CLINT1: variants seen among roughly 807,000 people sequenced by gnomAD.
CLINT1 encodes the protein clathrin interacting protein localized in the trans-Golgi region.
In CLINT1, 15 loss-of-function variants were observed where a neutral mutation model predicts 70.4. That is an observed-to-expected ratio of 0.21 (90% confidence interval 0.14 to 0.33). The LOEUF (loss-of-function observed/expected upper bound fraction) is 0.33. CLINT1 is among the 10% of genes least tolerant of loss of function. The pLI, the probability that CLINT1 is intolerant of heterozygous loss-of-function variation, is 1.00. For synonymous variants in CLINT1, 227 were observed against 254.7 expected (o/e 0.89, Z 1.04); for missense variants, 615 against 778.1 (o/e 0.79, Z 2.49).
chr5:157,848,952 G>A (rs1753479211), intron 1 of CLINT1, among the ~76,000 whole-genome samples: 1 of 152,004 alleles, frequency 6.6e-6, no homozygotes, highest in Non-Finnish European at 1.5e-5. Flanking sequence ...GTAAGCTATT[G>A]TGCCTGGCCG....
chr5:157,839,432 C>T (rs754571549), intron 1 of CLINT1, among the ~76,000 whole-genome samples: 6 of 151,970 alleles, frequency 3.9e-5, no homozygotes, highest in Non-Finnish European at 5.9e-5. Flanking sequence ...GAAACCGCAT[C>T]TCTACTAAAA....
At chr5:157,821,999 T>C (rs115734055) in intron 1 of CLINT1, among the ~76,000 whole-genome samples, 134 of 152,338 alleles carry the variant, frequency 8.8e-4, no homozygotes, top group African/African-American at 3.1e-3. Context: ...ACTAGATCTT[T>C]AGTGCCAACT....
intron 1 of CLINT1, among the ~76,000 whole-genome samples, chr5:157,841,511 G>A (rs1753178713): frequency 6.6e-6 from 1 of 151,538 alleles, no homozygotes; most frequent in Non-Finnish European, 1.5e-5. Context: ...AGGTTGCAGT[G>A]AGCCAAGATG....
At chr5:157,798,262 A>G (rs1712696119) in intron 8 of CLINT1, among the ~76,000 whole-genome samples, 1 of 152,220 alleles carries the variant, frequency 6.6e-6, no homozygotes, top group Non-Finnish European at 1.5e-5. Flanking sequence ...TAAATAAAAG[A>G]GTCTACCAAA....
intron 1 of CLINT1, among the ~76,000 whole-genome samples, chr5:157,820,737 A>C (rs1762857547): frequency 6.6e-6 from 1 of 152,222 alleles, no homozygotes; most frequent in Non-Finnish European, 1.5e-5. Context: ...TCCGTGTTAA[A>C]AATAAAAATA....
intron 7 of CLINT1, among the ~76,000 whole-genome samples, chr5:157,804,149 A>G (rs777930549): frequency 1.1e-4 from 17 of 152,124 alleles, no homozygotes; most frequent in Admixed American, 4.6e-4. Flanking sequence ...TTAAAGTCTT[A>G]CAAGAAAGCT....
intron 1 of CLINT1, among the ~76,000 whole-genome samples, chr5:157,826,945 C>CA (rs1397602136): frequency 3.3e-5 from 5 of 152,118 alleles, no homozygotes; most frequent in African/African-American, 1.2e-4. Flanking sequence ...CAACTGCAAA[C>CA]TGTACATTTA....
Position 157,789,488 on chromosome 5 carries a change from A to G in CLINT1, c.1406T>C (p.Val469Ala). 6.2e-7 allele frequency: 1 copy of G among 1,613,936 alleles called. No homozygotes were observed. Among genetic ancestry groups the G allele is most frequent in the Non-Finnish European group, 8.5e-7 (1 of 1,179,874 alleles). The change falls in exon 11 of 12, where the codon GTC becomes GCC. Residue 469 changes from valine (V) to alanine (A), a missense_variant. Val to Ala is a moderately conservative substitution (Grantham distance 64). Around this residue, in one of 2 missense-constraint regions of CLINT1, gnomAD observed 374 missense variants for 409.6 expected, o/e 0.91. Coordinates refer to ENST00000411809, the MANE Select transcript of CLINT1 (RefSeq NM_014666.4). The part of the protein sequence containing the change: ...SQNTDMVQKS[V>A]SKTLPSTWSD... ...CCAAGTAGAGGGCAAGGTTTTGCTGACTGATTTCTGGACCATATCTGTATT... is the reference window on the plus strand; with the variant it reads ...CCAAGTAGAGGGCAAGGTTTTGCTGGCTGATTTCTGGACCATATCTGTATT...
intron 1 of CLINT1, among the ~76,000 whole-genome samples, chr5:157,844,772 A>G (rs576706226): frequency 6.6e-6 from 1 of 152,368 alleles, no homozygotes; most frequent in Admixed American, 6.5e-5. Context: ...GGATTATAGA[A>G]CTTTTAAAAG....
At position 157,810,940 on chromosome 5, in the gene CLINT1, T is replaced by C. The variant is rs1338310417; in HGVS notation, c.518-1135A>G. Among the ~76,000 whole-genome samples the C allele has an allele frequency of 7.9e-5, 12 of 152,204 alleles. No homozygotes were observed. In the East Asian group the frequency reaches 2.3e-3, roughly 29 times the overall value. On this transcript the variant is annotated intron_variant, in intron 5 of 11. Transcript: ENST00000411809. ...TGCAAGGCTAAAATTTTCTGTTACA[T>C]GTTTAAGGATTTTAACATATTTACT...
intron 7 of CLINT1, among the ~76,000 whole-genome samples, chr5:157,805,556 ATCTACTTG>A (rs2113175880): frequency 6.6e-6 from 1 of 152,220 alleles, no homozygotes; most frequent in African/African-American, 2.4e-5. Context: ...TCTTTAGTGA[ATCTACTTG>A]TGGTTGGTAA....
At chr5:157,818,141 T>C (rs1173190842) in intron 1 of CLINT1, among the ~76,000 whole-genome samples, 1 of 152,224 alleles carries the variant, frequency 6.6e-6, no homozygotes, top group African/African-American at 2.4e-5. Context: ...TTTTACTGGC[T>C]GCATAATATT....
At chr5:157,850,393 C>T (rs552359356) in intron 1 of CLINT1, among the ~76,000 whole-genome samples, 9 of 151,536 alleles carry the variant, frequency 5.9e-5, no homozygotes, top group Non-Finnish European at 7.4e-5. Flanking sequence ...TTGAGGCGGG[C>T]GGATTGCCTG....
At chr5:157,836,777 A>C (rs1007449456) in intron 1 of CLINT1, among the ~76,000 whole-genome samples, 3 of 152,210 alleles carry the variant, frequency 2.0e-5, no homozygotes, top group Admixed American at 6.5e-5. Context: ...TTCAGTCTTA[A>C]AGTAGGTGCC....
chr5:157,812,163 A>C (rs1352125486), intron 5 of CLINT1, among the ~76,000 whole-genome samples: 1 of 152,228 alleles, frequency 6.6e-6, no homozygotes, highest in African/African-American at 2.4e-5. Flanking sequence ...AGAGGAATAA[A>C]TGAGTAAGGA....
intron 8 of CLINT1, among the ~76,000 whole-genome samples, chr5:157,800,523 T>C (rs1762178441): frequency 6.6e-6 from 1 of 152,110 alleles, no homozygotes; most frequent in Non-Finnish European, 1.5e-5. Context: ...TAAATAGAGA[T>C]TGGGAGTAAC....
chr5:157,805,999 G>A lies in CLINT1; in HGVS notation c.809C>T (p.Thr270Ile). ...KHIHITQATE[T>I]TTTRHKRTAN... ...TGTGCGCTTGTGTCTGGTTGTGGTG[G>A]TCTCTGTGGCCTGTGTGATATGAAT... is the stretch of plus-strand genomic sequence containing the variant. Residue 270 changes from threonine (T) to isoleucine (I), a missense_variant, in exon 7 of 12, where the codon ACC becomes ATC. This residue lies in a region of CLINT1 where 241 missense variants were observed against 368.6 expected (regional missense o/e 0.65). Transcript: ENST00000411809. The A allele has an allele frequency of 6.2e-7, 1 of 1,613,970 alleles. No homozygotes were observed. The highest frequency in any genetic ancestry group is 8.5e-7 in the Non-Finnish European group (1 of 1,179,888).
At chr5:157,849,072 A>C (rs1753484120) in intron 1 of CLINT1, among the ~76,000 whole-genome samples, 1 of 152,228 alleles carries the variant, frequency 6.6e-6, no homozygotes, top group African/African-American at 2.4e-5. Flanking sequence ...TGCTGGGTTT[A>C]CAAGCATGAG....
chr5:157,842,238 C>A (rs1367505086), intron 1 of CLINT1, among the ~76,000 whole-genome samples: 1 of 152,152 alleles, frequency 6.6e-6, no homozygotes, highest in Non-Finnish European at 1.5e-5. Flanking sequence ...TTGGGACACC[C>A]ACTACCAACA....
Sources: gnomAD v4.1 joint callset for allele counts (sites outside exome capture counted in the v4.1 genomes callset) on GRCh38, gnomAD v4.1.1 for gene constraint, gnomAD v4.1.1 regional missense constraint, MANE v1.5 for transcripts, NCBI Gene and HGNC (gene_info 2026-07-23, HGNC 2026-07-21) for gene names.